The following NKAIN3 variants were observed in gnomAD, a reference collection of about 807,000 sequenced individuals.
NKAIN3 encodes the protein sodium/potassium-transporting ATPase subunit beta-1-interacting protein 3.
In NKAIN3, 25 loss-of-function variants were observed where a neutral mutation model predicts 30.2. The ratio of observed to expected loss-of-function variants is 0.83; its 90% confidence interval spans 0.60 to 1.16. The LOEUF (loss-of-function observed/expected upper bound fraction) is 1.16. Among genes scored for constraint, NKAIN3 ranks in the 50% most tolerant of loss-of-function variants. NKAIN3 has a pLI of 0.00. For synonymous variants in NKAIN3, 91 were observed against 89.6 expected, an observed-to-expected ratio of 1.02 and a Z score of -0.09; for missense variants, 225 against 254.1, an observed-to-expected ratio of 0.89 and a Z score of 0.78.
intron 1 of NKAIN3, among the ~76,000 whole-genome samples, chr8:62,544,682 A>C (rs2129907782): frequency 6.6e-6 from 1 of 151,648 alleles, no homozygotes; most frequent in African/African-American, 2.4e-5. Context: ...ATATTTTCCC[A>C]GACATCCTTC....
At chr8:62,252,863 A>G (rs976061323) in intron 1 of NKAIN3, among the ~76,000 whole-genome samples, 2 of 152,232 alleles carry the variant, frequency 1.3e-5, no homozygotes, top group African/African-American at 4.8e-5. Context: ...CTTTTAGCAC[A>G]TTCTTTTCAG....
chr8:62,774,896 A>G (rs1355932815), intron 4 of NKAIN3, among the ~76,000 whole-genome samples: 1 of 152,128 alleles, frequency 6.6e-6, no homozygotes, highest in African/African-American at 2.4e-5. Flanking sequence ...TGGTTTTAGT[A>G]TCAGGGTAAA....
intron 4 of NKAIN3, among the ~76,000 whole-genome samples, chr8:62,762,361 G>T (rs1376878887): frequency 6.6e-6 from 1 of 151,866 alleles, no homozygotes; most frequent in Non-Finnish European, 1.5e-5. Flanking sequence ...CATTTGAGCT[G>T]AAATGAACTC....
intron 1 of NKAIN3, among the ~76,000 whole-genome samples, chr8:62,286,404 C>T (rs1343612015): frequency 6.6e-6 from 1 of 151,964 alleles, no homozygotes; most frequent in African/African-American, 2.4e-5. Context: ...TTTAAATGAA[C>T]AGTGCTCATA....
chr8:62,500,993 G>T (rs1273932622), intron 1 of NKAIN3, among the ~76,000 whole-genome samples: 1 of 152,064 alleles, frequency 6.6e-6, no homozygotes, highest in Non-Finnish European at 1.5e-5. Flanking sequence ...GAAAAAAATT[G>T]AGAAAATATC....
intron 1 of NKAIN3, among the ~76,000 whole-genome samples, chr8:62,578,082 A>G (rs1224249478): frequency 6.6e-6 from 1 of 152,118 alleles, no homozygotes; most frequent in Non-Finnish European, 1.5e-5. Flanking sequence ...ATGGCTAATC[A>G]CTGGATCATT....
intron 1 of NKAIN3, among the ~76,000 whole-genome samples, chr8:62,399,396 C>T (rs139100073): frequency 0.031 from 4,751 of 152,044 alleles, 282 homozygotes; most frequent in African/African-American, 0.11. Flanking sequence ...ATCCCAGCTA[C>T]TTAGGAGGCT....
chr8:62,463,645 G>A (rs974947901), intron 1 of NKAIN3, among the ~76,000 whole-genome samples: 12 of 152,016 alleles, frequency 7.9e-5, no homozygotes, highest in African/African-American at 2.9e-4. Flanking sequence ...CTTTTGCTTT[G>A]TGTGTATTTG....
intron 1 of NKAIN3, among the ~76,000 whole-genome samples, chr8:62,250,132 T>C (rs2129385406): frequency 6.6e-6 from 1 of 152,342 alleles, no homozygotes; most frequent in African/African-American, 2.4e-5. Context: ...AGGAAAAAGC[T>C]TGCAATGAAC....
chr8:62,957,410 A>T (rs2130900906), intron 6 of NKAIN3, among the ~76,000 whole-genome samples: 1 of 152,342 alleles, frequency 6.6e-6, no homozygotes, highest in Non-Finnish European at 1.5e-5. Flanking sequence ...TTGGGATTAC[A>T]GGCGTGAGCC....
At chr8:62,705,911 C>G (rs1046255198) in intron 3 of NKAIN3, among the ~76,000 whole-genome samples, 3 of 151,870 alleles carry the variant, frequency 2.0e-5, no homozygotes, top group African/African-American at 7.3e-5. Flanking sequence ...ATGGCAGGAG[C>G]CTTTCCACAG....
At chr8:62,632,768 G>C (rs1812005066) in intron 3 of NKAIN3, among the ~76,000 whole-genome samples, 1 of 152,120 alleles carries the variant, frequency 6.6e-6, no homozygotes, top group South Asian at 2.1e-4. Flanking sequence ...CTCCCAAAGT[G>C]CTAGGATGAC....
chr8:62,747,460 G>A (rs1816116878), intron 4 of NKAIN3, among the ~76,000 whole-genome samples: 2 of 152,016 alleles, frequency 1.3e-5, no homozygotes, highest in South Asian at 4.2e-4. Context: ...TGCATTCTTC[G>A]ACTAATGCAC....
At chr8:62,999,255 C>T (rs371817138) in exon 6 of NKAIN3, 1 of 152,316 alleles carries the variant, frequency 6.6e-6, no homozygotes, top group East Asian at 1.9e-4. Context: ...ATGGTGCCGG[C>T]ACCTGCTCAG....
At chr8:62,708,219 A>G (rs4738997) in intron 3 of NKAIN3, among the ~76,000 whole-genome samples, 135,817 of 152,136 alleles carry the variant, frequency 0.89, 60,831 homozygotes, top group African/African-American at 0.94. Flanking sequence ...CTCTTTTTTG[A>G]TACCATATGA....
At chr8:62,756,481 T>C (rs183646466) in intron 4 of NKAIN3, among the ~76,000 whole-genome samples, 96 of 152,290 alleles carry the variant, frequency 6.3e-4, no homozygotes, top group African/African-American at 2.3e-3. Flanking sequence ...ATGTATAATA[T>C]TTAGCAAAAT....
chr8:62,776,950 T>C (rs746956028), intron 4 of NKAIN3, among the ~76,000 whole-genome samples: 1 of 152,186 alleles, frequency 6.6e-6, no homozygotes, highest in Non-Finnish European at 1.5e-5. Context: ...TCCTTCATGT[T>C]TAAAGAATAT....
intron 4 of NKAIN3, among the ~76,000 whole-genome samples, chr8:62,904,190 A>G (rs1821705447): frequency 6.6e-6 from 1 of 152,126 alleles, no homozygotes; most frequent in East Asian, 1.9e-4. Context: ...CAGGCTTGCT[A>G]TGAGGGTTGG....
At chr8:62,466,036 GA>G (rs1563411269) in intron 1 of NKAIN3, among the ~76,000 whole-genome samples, 1 of 151,696 alleles carries the variant, frequency 6.6e-6, no homozygotes, top group Non-Finnish European at 1.5e-5. Flanking sequence ...AAAGAAAAAA[GA>G]AAGAAAAAAA....
Sources: gnomAD v4.1 joint callset for allele counts (sites outside exome capture counted in the v4.1 genomes callset) on GRCh38, gnomAD v4.1.1 for gene constraint, MANE v1.5 for transcripts, NCBI Gene and HGNC (gene_info 2026-07-23, HGNC 2026-07-21) for gene names.